The following TFCP2L1 variants were observed in gnomAD, a reference collection of about 807,000 sequenced individuals.
TFCP2L1 encodes the protein transcription factor CP2-like protein 1.
In TFCP2L1, 12 loss-of-function variants were observed where a neutral mutation model predicts 72.2. That is an observed-to-expected ratio of 0.17 (90% CI 0.11 to 0.27). The LOEUF (loss-of-function observed/expected upper bound fraction) is 0.27, where lower values mean the gene tolerates loss of function less well. Among genes scored for constraint, TFCP2L1 ranks in the 10% least tolerant of loss-of-function variants. The pLI is 1.00. For missense variants in TFCP2L1, 488 were observed against 624.6 expected, an observed-to-expected ratio of 0.78 and a Z score of 2.33; for synonymous variants, 260 against 251.0, an observed-to-expected ratio of 1.04 and a Z score of -0.34.
chr2:121,284,021 G>C (rs1314888385), intron 1 of TFCP2L1, among the ~76,000 whole-genome samples: 1 of 152,152 alleles, frequency 6.6e-6, no homozygotes, highest in African/African-American at 2.4e-5. Flanking sequence ...CCAGGAAAAG[G>C]GGATGTCTTC....
intron 2 of TFCP2L1, among the ~76,000 whole-genome samples, chr2:121,277,334 CA>C (rs1043565010): frequency 6.6e-6 from 1 of 151,762 alleles, no homozygotes; most frequent in Non-Finnish European, 1.5e-5. Context: ...GACCCCAGCT[CA>C]AAAAAGAAAA....
At chr2:121,266,873 AT>A (rs11295321) in intron 2 of TFCP2L1, among the ~76,000 whole-genome samples, 57,561 of 150,148 alleles carry the variant, frequency 0.38, 11,226 homozygotes, top group East Asian at 0.56. Flanking sequence ...TAATATAATT[AT>A]TTTTTTCATT....
chr2:121,258,002 G>A (rs1017483172), intron 2 of TFCP2L1, among the ~76,000 whole-genome samples: 8 of 152,116 alleles, frequency 5.3e-5, no homozygotes, highest in African/African-American at 1.4e-4. Flanking sequence ...CTGGTATGTC[G>A]TCGGTTTTTA....
intron 2 of TFCP2L1, among the ~76,000 whole-genome samples, chr2:121,274,218 G>A (rs896014856): frequency 2.6e-5 from 4 of 152,090 alleles, no homozygotes; most frequent in African/African-American, 9.7e-5. Flanking sequence ...TGATTGGTGG[G>A]GGGATAAAAT....
At chr2:121,227,639 T>A (rs1289121118) in intron 13 of TFCP2L1, among the ~76,000 whole-genome samples, 1 of 151,766 alleles carries the variant, frequency 6.6e-6, no homozygotes, top group African/African-American at 2.4e-5. Flanking sequence ...TGAGATCACA[T>A]CACTGCACTT....
Position 121,237,728 on chromosome 2 carries a change from G to A in TFCP2L1, c.910-12C>T. 1.2e-6 allele frequency: 2 copies of A among 1,614,182 alleles called. No homozygotes were observed. The highest frequency in any genetic ancestry group is 1.1e-5 in the South Asian group (1 of 91,082). ...GATGGGAGCAGGTGCTGTGAGCAGA[G>A]GGGAGAGGCCTTGAGATGGTGGCTC... On this transcript the variant is annotated splice_polypyrimidine_tract_variant and intron_variant, in intron 9 of 14. Coordinates refer to ENST00000263707, the MANE Select transcript of TFCP2L1 (RefSeq NM_014553.3).
intron 2 of TFCP2L1, among the ~76,000 whole-genome samples, chr2:121,255,625 G>A (rs998310794): frequency 2.6e-5 from 4 of 152,188 alleles, no homozygotes; most frequent in African/African-American, 9.7e-5. Context: ...GGTGGAACAC[G>A]TGGCCACTGG....
chr2:121,248,070 C>G (rs1417145685), intron 5 of TFCP2L1, 94 bp downstream of exon 5: 1 of 1,019,072 alleles, frequency 9.8e-7, no homozygotes, highest in Non-Finnish European at 1.4e-6. Context: ...GAAGCTCATC[C>G]AGACCCTCCC....
chr2:121,227,251 T>G (rs1289576661), intron 13 of TFCP2L1, among the ~76,000 whole-genome samples: 1 of 152,264 alleles, frequency 6.6e-6, no homozygotes, highest in African/African-American at 2.4e-5. Context: ...ACAAAGGGGC[T>G]TCTAATGTAA....
At chr2:121,277,674 T>TA (rs1485507618) in intron 2 of TFCP2L1, among the ~76,000 whole-genome samples, 1 of 152,150 alleles carries the variant, frequency 6.6e-6, no homozygotes, top group Non-Finnish European at 1.5e-5. Context: ...GTTAAAGTCA[T>TA]AGAAATATAC....
At position 121,246,728 on chromosome 2, in the gene TFCP2L1, G is replaced by GT. The variant is rs1686494723; in HGVS notation, c.657+89dup. 15 of 1,546,672 alleles carry GT rather than the reference G, an allele frequency of 9.7e-6. No individual in the cohort carries two copies. The South Asian group carries it at 1.6e-4, about 17-fold the overall frequency. ...GGATGCTGCGTTCCTCGCTGGGCCT[G>GT]TAAGAGGAAACTCCAGGGTCTCTGT... On this transcript the variant is annotated intron_variant, in intron 6 of 14. Coordinates refer to ENST00000263707, the MANE Select transcript of TFCP2L1 (RefSeq NM_014553.3).
At chr2:121,249,185 G>GC in intron 3 of TFCP2L1, 98 bp from the exon 4 acceptor site, 2 of 923,690 alleles carry the variant, frequency 2.2e-6, no homozygotes, top group Non-Finnish European at 3.2e-6. Context: ...CACCTTTGAG[G>GC]CCCCTCCCCC....
At chr2:121,256,894 T>C (rs774126678) in intron 2 of TFCP2L1, among the ~76,000 whole-genome samples, 1 of 151,788 alleles carries the variant, frequency 6.6e-6, no homozygotes, top group Non-Finnish European at 1.5e-5. Flanking sequence ...AGGCAGAGCA[T>C]AGGTTGTTGG....
intron 5 of TFCP2L1, 49 bp downstream of exon 5, chr2:121,248,115 A>G: frequency 6.4e-7 from 1 of 1,553,864 alleles, no homozygotes; most frequent in Non-Finnish European, 8.8e-7. Context: ...CACGCAGGCC[A>G]CCCCAAAGAC....
At chr2:121,245,543 A>G (rs1342647774) in intron 6 of TFCP2L1, among the ~76,000 whole-genome samples, 1 of 152,174 alleles carries the variant, frequency 6.6e-6, no homozygotes, top group Non-Finnish European at 1.5e-5. Context: ...TGGGGCCCAC[A>G]TCACTGACTA....
intron 2 of TFCP2L1, among the ~76,000 whole-genome samples, chr2:121,273,861 G>A (rs1687092485): frequency 6.6e-6 from 1 of 152,192 alleles, no homozygotes; most frequent in South Asian, 2.1e-4. Context: ...GGCAGGCCAA[G>A]GCGGGTGGAT....
intron 1 of TFCP2L1, among the ~76,000 whole-genome samples, chr2:121,284,136 A>G (rs1573405633): frequency 6.6e-6 from 1 of 152,338 alleles, no homozygotes; most frequent in East Asian, 1.9e-4. Flanking sequence ...TAGCTCTAGT[A>G]TGGGGGCTGT....
chr2:121,281,585 C>T (rs1687263201), intron 1 of TFCP2L1, among the ~76,000 whole-genome samples: 1 of 152,160 alleles, frequency 6.6e-6, no homozygotes. Context: ...GACAGGCTAG[C>T]AGCAAAGGGA....
At chr2:121,245,356 T>C (rs1046315973) in intron 6 of TFCP2L1, among the ~76,000 whole-genome samples, 1 of 152,210 alleles carries the variant, frequency 6.6e-6, no homozygotes, top group Non-Finnish European at 1.5e-5. Flanking sequence ...TTCAGACTTC[T>C]GACTGCCAGC....
Sources: gnomAD v4.1 joint callset for allele counts (sites outside exome capture counted in the v4.1 genomes callset) on GRCh38, gnomAD v4.1.1 for gene constraint, MANE v1.5 for transcripts, NCBI Gene and HGNC (gene_info 2026-07-23, HGNC 2026-07-21) for gene names.